The following SNTG1 variants were observed in gnomAD, a reference collection of about 807,000 sequenced individuals.
SNTG1 encodes syntrophin gamma 1.
In SNTG1, 39 loss-of-function variants were observed where a neutral mutation model predicts 74.7. The observed-to-expected ratio is 0.52, with a 90% CI of 0.40 to 0.68. The LOEUF is 0.68. SNTG1 is among the 30% of genes least tolerant of loss of function. The probability of loss-of-function intolerance (pLI) is 0.00; values close to 1 mark genes in which losing one functional copy is unlikely to be tolerated. For missense variants in SNTG1, 685 were observed against 609.5 expected (o/e 1.12, Z -1.30); for synonymous variants, 254 against 217.1 (o/e 1.17, Z -1.49).
intron 11 of SNTG1, among the ~76,000 whole-genome samples, chr8:50,550,195 A>T (rs2094416117): frequency 6.6e-6 from 1 of 152,122 alleles, no homozygotes; most frequent in Non-Finnish European, 1.5e-5. Context: ...CTGGCCCTCT[A>T]TATGGAGGTG....
At chr8:50,641,224 T>A (rs2095070864) in intron 13 of SNTG1, among the ~76,000 whole-genome samples, 1 of 152,154 alleles carries the variant, frequency 6.6e-6, no homozygotes, top group Admixed American at 6.5e-5. Context: ...CAGTCTATTC[T>A]CTCCATTTCT....
chr8:50,382,871 G>A (rs1400629202), intron 2 of SNTG1, among the ~76,000 whole-genome samples: 1 of 152,128 alleles, frequency 6.6e-6, no homozygotes, highest in Admixed American at 6.6e-5. Context: ...TGTAGGGTAG[G>A]CTGGCAGAAT....
At chr8:49,998,691 C>T (rs958359734) in intron 1 of SNTG1, among the ~76,000 whole-genome samples, 2 of 151,618 alleles carry the variant, frequency 1.3e-5, no homozygotes, top group African/African-American at 2.4e-5. Context: ...ACATCTTGTC[C>T]CCCTGGAAGG....
At chr8:50,167,992 G>A (rs2082685243) in intron 1 of SNTG1, among the ~76,000 whole-genome samples, 1 of 151,934 alleles carries the variant, frequency 6.6e-6, no homozygotes, top group Non-Finnish European at 1.5e-5. Context: ...ATTACTTAAT[G>A]AAGGAATCTA....
At chr8:50,546,238 A>AT (rs1034121565) in intron 11 of SNTG1, among the ~76,000 whole-genome samples, 9 of 151,998 alleles carry the variant, frequency 5.9e-5, no homozygotes, top group African/African-American at 1.7e-4. Context: ...ATTGATAAAA[A>AT]AAAGTTTGTA....
intron 13 of SNTG1, among the ~76,000 whole-genome samples, chr8:50,628,273 A>G (rs1255986402): frequency 3.3e-5 from 5 of 151,476 alleles, no homozygotes; most frequent in Non-Finnish European, 5.9e-5. Flanking sequence ...TCCTTTTTTG[A>G]AATTTAATAA....
chr8:50,097,618 C>G (rs1301109993), intron 1 of SNTG1, among the ~76,000 whole-genome samples: 1 of 151,692 alleles, frequency 6.6e-6, no homozygotes, highest in Non-Finnish European at 1.5e-5. Context: ...CGCCACAGCA[C>G]TCCAGCCTGG....
At position 50,511,646 on chromosome 8, in the gene SNTG1, A is replaced by T. The variant is rs1264343712; in HGVS notation, c.466+8766A>T. On this transcript the variant is annotated intron_variant, in intron 9 of 18. Transcript: ENST00000642720. Reference sequence around the variant, plus strand: ...TAGGATAGTTAGATCTTCTTGTTGAATTGATCCCTTTACCATTATGTAATG... The same window carrying T: ...TAGGATAGTTAGATCTTCTTGTTGATTTGATCCCTTTACCATTATGTAATG... Among the ~76,000 whole-genome samples the T allele has an allele frequency of 2.0e-5, 3 of 152,154 alleles. No individual in the cohort carries two copies. The East Asian group carries it at 5.8e-4, about 29-fold the overall frequency.
At chr8:50,750,144 A>T (rs2095564064) in intron 17 of SNTG1, among the ~76,000 whole-genome samples, 1 of 152,026 alleles carries the variant, frequency 6.6e-6, no homozygotes, top group Non-Finnish European at 1.5e-5. Context: ...ATCAATTCTA[A>T]ACCCTCTTCG....
intron 2 of SNTG1, among the ~76,000 whole-genome samples, chr8:50,333,246 A>G (rs2091028154): frequency 6.6e-6 from 1 of 152,218 alleles, no homozygotes; most frequent in African/African-American, 2.4e-5. Context: ...GGGAAGAGTG[A>G]AAGTGTCTAC....
rs575377981 is a variant in SNTG1 at position 50,568,953 on chromosome 8, A to G, written c.810+15774A>G. ...CGACAACAGCTACAAACATCACTTC[A>G]GTTTCAGGAAGGAAAGAAAAGGAAG... On this transcript the variant is annotated intron_variant, in intron 12 of 18. Transcript: ENST00000642720. 3 of 152,306 alleles carry G rather than the reference A, an allele frequency of 2.0e-5. No individual in the cohort carries two copies. The South Asian group carries it at 6.2e-4, about 32-fold the overall frequency. The allele number at this position is 152,306 out of a possible 1,614,324, so 9.4% of individuals were successfully genotyped here.
At position 50,123,033 on chromosome 8, in the gene SNTG1, C is replaced by T. The variant is rs1312954644; in HGVS notation, c.-102-49528C>T. Among the ~76,000 whole-genome samples, 3 of 142,494 alleles carry T rather than the reference C, an allele frequency of 2.1e-5. 1 individual carries two copies. The highest frequency in any genetic ancestry group is 3.1e-5 in the Non-Finnish European group (2 of 63,914). The allele number at this position is 142,494 out of a possible 152,430, so 93.5% of individuals were successfully genotyped here. Reference sequence around the variant, plus strand: ...CAGATTCAGAAACTAAGCGGAAGCCCGTGGCAGACCAGGTCATCAATACTG... The same window carrying T: ...CAGATTCAGAAACTAAGCGGAAGCCTGTGGCAGACCAGGTCATCAATACTG... On this transcript the variant is annotated intron_variant, in intron 1 of 18. Coordinates refer to ENST00000642720, the MANE Select transcript of SNTG1 (RefSeq NM_018967.5).
At chr8:50,616,540 A>T (rs542946844) in intron 13 of SNTG1, among the ~76,000 whole-genome samples, 2 of 152,336 alleles carry the variant, frequency 1.3e-5, no homozygotes, top group African/African-American at 4.8e-5. Flanking sequence ...TGCTCACAGG[A>T]AGCACGAGCA....
At chr8:50,060,880 A>G (rs1380963530) in intron 1 of SNTG1, among the ~76,000 whole-genome samples, 1 of 152,114 alleles carries the variant, frequency 6.6e-6, no homozygotes, top group Admixed American at 6.5e-5. Flanking sequence ...TTTGCATGTC[A>G]AACCAGCAAT....
intron 11 of SNTG1, among the ~76,000 whole-genome samples, chr8:50,547,921 G>T (rs560182417): frequency 6.6e-6 from 1 of 152,272 alleles, no homozygotes; most frequent in South Asian, 2.1e-4. Context: ...GGAATAAAAG[G>T]ACAGAGAAAT....
chr8:50,437,361 TA>T (rs2093315193), intron 4 of SNTG1, among the ~76,000 whole-genome samples: 1 of 152,186 alleles, frequency 6.6e-6, no homozygotes, highest in Non-Finnish European at 1.5e-5. Flanking sequence ...TTGTTCTATT[TA>T]TAGAAACCAA....
Position 50,532,667 on chromosome 8 carries a change from A to G in SNTG1, c.549+2408A>G, listed in dbSNP as rs575358853. On this transcript the variant is annotated intron_variant, in intron 10 of 18. Transcript: ENST00000642720. ...CTGTATCTTGAATAAGCTTTGATGG[A>G]GGAATGGCAAGTGGAGAACATCTCT... Among the ~76,000 whole-genome samples the G allele has an allele frequency of 2.4e-4, 36 of 152,266 alleles. No homozygotes were observed. In the South Asian group the frequency reaches 6.6e-3, roughly 28 times the overall value.
At chr8:50,444,362 C>T (rs1322217323) in intron 5 of SNTG1, among the ~76,000 whole-genome samples, 5 of 152,136 alleles carry the variant, frequency 3.3e-5, no homozygotes, top group Non-Finnish European at 7.3e-5. Flanking sequence ...TGCTTGCATA[C>T]ATTTTTCTGC....
At chr8:50,699,855 A>G (rs1004057829) in intron 15 of SNTG1, among the ~76,000 whole-genome samples, 2 of 140,234 alleles carry the variant, frequency 1.4e-5, no homozygotes, top group Non-Finnish European at 3.1e-5. Context: ...GACAACAAAA[A>G]TTTCCAACAT....
Sources: gnomAD v4.1 joint callset for allele counts (sites outside exome capture counted in the v4.1 genomes callset) on GRCh38, gnomAD v4.1.1 for gene constraint, MANE v1.5 for transcripts, NCBI Gene and HGNC (gene_info 2026-07-23, HGNC 2026-07-21) for gene names.